The following SCGB2B2 variants were observed in gnomAD, a reference collection of about 807,000 sequenced individuals.
SCGB2B2 encodes the protein secretoglobin family 2B member 2.
A neutral mutation model predicts 7.6 loss-of-function variants in SCGB2B2; 11 were observed. The ratio of observed to expected loss-of-function variants is 1.45; its 90% CI spans 0.91 to 2.40. SCGB2B2 has a LOEUF of 2.40. SCGB2B2 is among the 30% of genes most tolerant of loss of function. The pLI is 0.00. For synonymous variants in SCGB2B2, 50 were observed against 48.6 expected (o/e 1.03, Z -0.12); for missense variants, 104 against 115.4 (o/e 0.90, Z 0.45).
At chr19:34,659,534 CACAATT>C (rs1209067482) in intron 1 of SCGB2B2, among the ~76,000 whole-genome samples, 2 of 152,162 alleles carry the variant, frequency 1.3e-5, no homozygotes, top group African/African-American at 4.8e-5. Context: ...AGCTCCCATT[CACAATT>C]ACTACAAAGA....
chr19:34,666,355 G>A (rs533370473), intron 1 of SCGB2B2, among the ~76,000 whole-genome samples: 48 of 152,064 alleles, frequency 3.2e-4, no homozygotes, highest in African/African-American at 9.9e-4. Flanking sequence ...ACACACTCCC[G>A]ACAGCGCATT....
intron 1 of SCGB2B2, among the ~76,000 whole-genome samples, chr19:34,662,798 G>C (rs939671867): frequency 6.6e-6 from 1 of 152,052 alleles, no homozygotes; most frequent in African/African-American, 2.4e-5. Context: ...AGGCACAGTG[G>C]TATGTGCCTG....
At chr19:34,674,499 AT>A (rs965637462) in intron 1 of SCGB2B2, among the ~76,000 whole-genome samples, 19 of 152,220 alleles carry the variant, frequency 1.2e-4, no homozygotes, top group African/African-American at 4.6e-4. Flanking sequence ...TATACCTACC[AT>A]GTTAAAAAAG....
In SCGB2B2 at chr19:34,619,831, A is replaced by C. The variant is rs182408946; in HGVS notation, c.-2031-23237T>G. On this transcript the variant is annotated intron_variant, in intron 1 of 3. Coordinates refer to ENST00000601241, the MANE Select transcript of SCGB2B2 (RefSeq NM_001025591.4). ...CAAAGGATTTTAACTATTCAAGAGA[A>C]TTAAGGTGAGAATTAACATAATAAT... Among the ~76,000 whole-genome samples the C allele has an allele frequency of 2.0e-3, 309 of 151,600 alleles. 1 individual carries two copies. Among genetic ancestry groups the C allele is most frequent in the African/African-American group, 6.9e-3 (285 of 41,314 alleles).
chr19:34,618,069 G>A (rs1194437720), intron 1 of SCGB2B2, among the ~76,000 whole-genome samples: 3 of 152,178 alleles, frequency 2.0e-5, no homozygotes, highest in African/African-American at 7.2e-5. Context: ...TACCTCAGAT[G>A]GAAATGCAGA....
At chr19:34,631,128 G>T (rs1017367796) in intron 1 of SCGB2B2, among the ~76,000 whole-genome samples, 1 of 119,258 alleles carries the variant, frequency 8.4e-6, no homozygotes, top group African/African-American at 3.1e-5. Context: ...GTGGGGGGAG[G>T]GGGGAGGGAT....
chr19:34,634,704 T>A (rs1199305446), intron 1 of SCGB2B2: 1 of 154,134 alleles, frequency 6.5e-6, no homozygotes, highest in African/African-American at 2.4e-5. Context: ...GATTTTTTTT[T>A]TATATTTAAT....
chr19:34,630,224 T>C (rs374224208), intron 1 of SCGB2B2, among the ~76,000 whole-genome samples: 50 of 151,872 alleles, frequency 3.3e-4, no homozygotes, highest in East Asian at 3.1e-3. Flanking sequence ...ATGTCTAAAA[T>C]ACCAAAAGCA....
At chr19:34,673,203 T>G (rs1352778549) in intron 1 of SCGB2B2, among the ~76,000 whole-genome samples, 1 of 152,328 alleles carries the variant, frequency 6.6e-6, no homozygotes, top group East Asian at 1.9e-4. Context: ...GTATTGCATG[T>G]AATGTGTTTT....
chr19:34,653,374 G>A (rs766779318), intron 1 of SCGB2B2, among the ~76,000 whole-genome samples: 8 of 151,044 alleles, frequency 5.3e-5, no homozygotes, highest in South Asian at 2.1e-4. Flanking sequence ...TTCCCAATAC[G>A]AAGTAATGAT....
chr19:34,632,601 G>A (rs2066564888), intron 1 of SCGB2B2: 1 of 152,214 alleles, frequency 6.6e-6, no homozygotes, highest in South Asian at 2.1e-4. Flanking sequence ...ACCATACCAA[G>A]TGTTGGTGAG....
chr19:34,645,189 ATGTT>A (rs1054469961), intron 1 of SCGB2B2, among the ~76,000 whole-genome samples: 3 of 152,112 alleles, frequency 2.0e-5, no homozygotes, highest in Non-Finnish European at 4.4e-5. Context: ...CACTTAGCAA[ATGTT>A]TGTTGAGCCT....
intron 1 of SCGB2B2, among the ~76,000 whole-genome samples, chr19:34,623,433 T>C (rs896411087): frequency 6.6e-5 from 10 of 152,136 alleles, no homozygotes; most frequent in Admixed American, 2.6e-4. Context: ...CAGAGAAAGG[T>C]AGAAAGGGCG....
intron 1 of SCGB2B2, among the ~76,000 whole-genome samples, chr19:34,649,681 T>A (rs1178863582): frequency 6.6e-6 from 1 of 152,036 alleles, no homozygotes. Context: ...AAACCCCGTC[T>A]CCACTAAAAA....
At chr19:34,666,494 C>T (rs1262048355) in intron 1 of SCGB2B2, among the ~76,000 whole-genome samples, 1 of 152,170 alleles carries the variant, frequency 6.6e-6, no homozygotes, top group Non-Finnish European at 1.5e-5. Context: ...GCACAGCCAC[C>T]TAGATCCTGC....
At chr19:34,596,959 G>T (rs1010254228) in intron 1 of SCGB2B2, among the ~76,000 whole-genome samples, 5 of 151,944 alleles carry the variant, frequency 3.3e-5, no homozygotes, top group Middle Eastern at 3.4e-3. Flanking sequence ...CTAGAGGGAG[G>T]GGGGTCCTCT....
At chr19:34,661,559 G>C (rs1224130935) in intron 1 of SCGB2B2, among the ~76,000 whole-genome samples, 1 of 152,238 alleles carries the variant, frequency 6.6e-6, no homozygotes, top group Admixed American at 6.5e-5. Context: ...TAAAGCTTTA[G>C]TGTGTACTCA....
intron 1 of SCGB2B2, among the ~76,000 whole-genome samples, chr19:34,627,669 G>T (rs929773131): frequency 2.6e-5 from 4 of 152,142 alleles, no homozygotes; most frequent in Non-Finnish European, 5.9e-5. Flanking sequence ...ATAATAATGG[G>T]AGACTTTAAC....
At chr19:34,597,699 A>G (rs2065499348) in intron 1 of SCGB2B2, among the ~76,000 whole-genome samples, 1 of 152,132 alleles carries the variant, frequency 6.6e-6, no homozygotes, top group African/African-American at 2.4e-5. Context: ...CCTTCCCTGC[A>G]CCCTCATGGC....
Sources: allele counts gnomAD v4.1 joint callset (sites outside exome capture counted in the v4.1 genomes callset), GRCh38; gene constraint gnomAD v4.1.1; transcripts MANE v1.5; gene names NCBI Gene and HGNC (gene_info 2026-07-23, HGNC 2026-07-21).